CSMD1: variants seen among roughly 807,000 people sequenced by gnomAD.
CSMD1 encodes the protein CUB and sushi domain-containing protein 1.
Under a neutral mutation model 417.5 loss-of-function variants are expected in CSMD1, and 213 were observed. The observed-to-expected ratio is 0.51, with a 90% CI of 0.46 to 0.57. The LOEUF (loss-of-function observed/expected upper bound fraction) is 0.57. Ranked by LOEUF, CSMD1 falls within the 20% of genes least tolerant of loss-of-function variation. The pLI is 0.00. For synonymous variants in CSMD1, 2,862 were observed against 1,736.8 expected (o/e 1.65, Z -16.11); for missense variants, 6,923 against 4,529.7 (o/e 1.53, Z -15.17).
At chr8:3,439,134 AAAAAAAAAAAAAAAAAAAC>A (rs1814772138) in intron 12 of CSMD1, among the ~76,000 whole-genome samples, 4 of 126,784 alleles carry the variant, frequency 3.2e-5, no homozygotes, top group Non-Finnish European at 6.3e-5. Flanking sequence ...AAAAAAAAAA[AAAAAAAAAAAAAAAAAAAC>A]CAAGAAAAAA....
intron 11 of CSMD1, among the ~76,000 whole-genome samples, chr8:3,491,904 T>G (rs569139243): frequency 6.6e-6 from 1 of 152,196 alleles, no homozygotes; most frequent in East Asian, 1.9e-4. Flanking sequence ...GAATGAGAGT[T>G]TAAAAGGCGG....
At chr8:3,594,344 A>C (rs993182518) in intron 8 of CSMD1, among the ~76,000 whole-genome samples, 2 of 152,220 alleles carry the variant, frequency 1.3e-5, no homozygotes, top group African/African-American at 4.8e-5. Context: ...GCCTTTAGTA[A>C]AAAGATAAGA....
chr8:3,201,543 C>A, intron 32 of CSMD1, 69 bp downstream of exon 32: 2 of 749,174 alleles, frequency 2.7e-6, no homozygotes, highest in Non-Finnish European at 2.1e-6. Context: ...GCAAAAGAAA[C>A]AGACAAGTTA....
At chr8:4,053,839 C>G (rs1403678228) in intron 3 of CSMD1, among the ~76,000 whole-genome samples, 1 of 152,044 alleles carries the variant, frequency 6.6e-6, no homozygotes, top group African/African-American at 2.4e-5. Context: ...GTAGCTTTTA[C>G]TAGTAGGTTG....
intron 3 of CSMD1, among the ~76,000 whole-genome samples, chr8:4,195,860 G>A (rs1799305309): frequency 6.6e-6 from 1 of 152,136 alleles, no homozygotes; most frequent in East Asian, 1.9e-4. Context: ...CTTGATCATA[G>A]CATGCGAGAC....
At chr8:3,435,186 A>G (rs1814471353) in intron 12 of CSMD1, among the ~76,000 whole-genome samples, 1 of 152,154 alleles carries the variant, frequency 6.6e-6, no homozygotes, top group Admixed American at 6.5e-5. Context: ...GAGGGCAAAA[A>G]AGCCCCTTGA....
chr8:4,506,666 G>C (rs992817949), intron 2 of CSMD1, among the ~76,000 whole-genome samples: 12 of 152,100 alleles, frequency 7.9e-5, no homozygotes, highest in African/African-American at 2.7e-4. Flanking sequence ...ATTTCAGTGT[G>C]TTTTTCACAG....
rs565486374 is a variant in CSMD1 at position 4,525,807 on chromosome 8, C to T, written c.303-105742G>A. 1.5e-4 allele frequency among the ~76,000 whole-genome samples: 23 copies of T among 152,274 alleles called. 1 individual carries two copies. The South Asian group carries it at 4.6e-3, about 30-fold the overall frequency. On this transcript the variant is annotated intron_variant, in intron 2 of 69. Coordinates refer to ENST00000635120, the MANE Select transcript of CSMD1 (RefSeq NM_033225.6). ...CACACAGGGACATGTCAATTACTATCTAGAAGCAGCAGGCTTCCCAGGAGG... is the reference window on the plus strand; with the variant it reads ...CACACAGGGACATGTCAATTACTATTTAGAAGCAGCAGGCTTCCCAGGAGG...
At chr8:3,141,907 C>A (rs1414172328) in intron 41 of CSMD1, among the ~76,000 whole-genome samples, 1 of 151,818 alleles carries the variant, frequency 6.6e-6, no homozygotes, top group Non-Finnish European at 1.5e-5. Flanking sequence ...ACGCCACTCT[C>A]CTGCCTCAGC....
At chr8:4,120,901 T>G (rs1563149972) in intron 3 of CSMD1, among the ~76,000 whole-genome samples, 1 of 152,168 alleles carries the variant, frequency 6.6e-6, no homozygotes, top group Non-Finnish European at 1.5e-5. Flanking sequence ...CCATGGAATT[T>G]ATTTAGGAAT....
intron 3 of CSMD1, among the ~76,000 whole-genome samples, chr8:4,087,601 C>T (rs927658891): frequency 6.6e-6 from 1 of 152,028 alleles, no homozygotes; most frequent in Non-Finnish European, 1.5e-5. Flanking sequence ...AACTTTCTGT[C>T]TCTCTCTCAT....
chr8:3,256,782 A>G (rs1406860013), intron 26 of CSMD1, among the ~76,000 whole-genome samples: 1 of 152,332 alleles, frequency 6.6e-6, no homozygotes, highest in East Asian at 1.9e-4. Context: ...ATGTTATTTA[A>G]CCAAAGGCAT....
At chr8:4,043,892 C>T (rs532657932) in intron 3 of CSMD1, among the ~76,000 whole-genome samples, 1 of 152,224 alleles carries the variant, frequency 6.6e-6, no homozygotes, top group Admixed American at 6.5e-5. Context: ...GTTAAGATAA[C>T]ACAGATAAAC....
intron 3 of CSMD1, among the ~76,000 whole-genome samples, chr8:4,206,970 G>A (rs1474004838): frequency 6.6e-6 from 1 of 152,002 alleles, no homozygotes; most frequent in Non-Finnish European, 1.5e-5. Context: ...ATATAGATGT[G>A]GATAAAATTA....
intron 1 of CSMD1, among the ~76,000 whole-genome samples, chr8:4,818,185 A>T (rs1392285354): frequency 2.6e-5 from 4 of 152,200 alleles, no homozygotes; most frequent in Non-Finnish European, 4.4e-5. Flanking sequence ...TCAATATATC[A>T]TATCACCATG....
intron 1 of CSMD1, among the ~76,000 whole-genome samples, chr8:4,898,222 C>A (rs925420319): frequency 2.0e-5 from 3 of 152,126 alleles, no homozygotes; most frequent in Non-Finnish European, 4.4e-5. Context: ...AAAACGCACA[C>A]ATGAACGGAG....
At chr8:4,152,101 G>C (rs1158845757) in intron 3 of CSMD1, among the ~76,000 whole-genome samples, 1 of 151,914 alleles carries the variant, frequency 6.6e-6, no homozygotes, top group Non-Finnish European at 1.5e-5. Context: ...GATTTATATG[G>C]GTAATATACA....
chr8:3,305,997 C>G (rs1322785986), intron 25 of CSMD1, among the ~76,000 whole-genome samples: 2 of 151,966 alleles, frequency 1.3e-5, no homozygotes, highest in African/African-American at 2.4e-5. Context: ...CTGTAATATT[C>G]TATTGTAGCA....
At chr8:4,869,139 G>T (rs1421813633) in intron 1 of CSMD1, among the ~76,000 whole-genome samples, 1 of 151,774 alleles carries the variant, frequency 6.6e-6, no homozygotes, top group African/African-American at 2.4e-5. Context: ...CATCAAATTT[G>T]TGACACAAAA....
Sources: gnomAD v4.1 joint callset for allele counts (sites outside exome capture counted in the v4.1 genomes callset) on GRCh38, gnomAD v4.1.1 for gene constraint, MANE v1.5 for transcripts, NCBI Gene and HGNC (gene_info 2026-07-23, HGNC 2026-07-21) for gene names.